Variants in NF2 observed in about 807,000 individuals in gnomAD.
The protein encoded by NF2 is NF2, moesin-ezrin-radixin like (MERLIN) tumor suppressor.
A neutral mutation model predicts 83.7 loss-of-function variants in NF2; 8 were observed. The observed-to-expected ratio is 0.10, with a 90% CI of 0.06 to 0.17. The LOEUF (loss-of-function observed/expected upper bound fraction) is 0.17. NF2 is among the 10% of genes least tolerant of loss of function. NF2 has a pLI of 1.00. For missense variants in NF2, 533 were observed against 744.4 expected (o/e 0.72, Z 3.31); for synonymous variants, 266 against 269.6 (o/e 0.99, Z 0.13).
intron 15 of NF2, among the ~76,000 whole-genome samples, chr22:29,685,401 C>A (rs761290049): frequency 3.9e-4 from 59 of 151,560 alleles, no homozygotes; most frequent in Non-Finnish European, 6.9e-4. Flanking sequence ...AGCCACTGTG[C>A]CTGGCCTGTT....
At chr22:29,665,248 GTTTTTTTTT>G (rs556026377) in intron 9 of NF2, among the ~76,000 whole-genome samples, 184 bp downstream of exon 9, 9 of 135,954 alleles carry the variant, frequency 6.6e-5, no homozygotes, top group African/African-American at 2.4e-4. Context: ...TTTTTTTTTT[GTTTTTTTTT>G]TGAGACAGAG....
intron 4 of NF2, among the ~76,000 whole-genome samples, chr22:29,650,788 A>G (rs1222415427): frequency 6.6e-6 from 1 of 152,174 alleles, no homozygotes; most frequent in Non-Finnish European, 1.5e-5. Flanking sequence ...TTTTTAGTAC[A>G]GATGAGGTTT....
intron 9 of NF2, 22 bp downstream of exon 9, chr22:29,665,086 C>T: frequency 1.9e-6 from 3 of 1,570,274 alleles, no homozygotes; most frequent in Non-Finnish European, 2.6e-6. Context: ...TCCTGGTTTT[C>T]ATTACTGATA....
At chr22:29,678,379 G>C in intron 14 of NF2, 56 bp downstream of exon 14, 1 of 1,606,758 alleles carries the variant, frequency 6.2e-7, no homozygotes, top group Non-Finnish European at 8.5e-7. Context: ...TGAGTGATTG[G>C]GGCCTTGGGA....
At chr22:29,675,176 T>C (rs1412432012) in intron 13 of NF2, among the ~76,000 whole-genome samples, 1 of 152,228 alleles carries the variant, frequency 6.6e-6, no homozygotes, top group African/African-American at 2.4e-5. Flanking sequence ...CAACAGGGCC[T>C]TTTCCAGCTC....
At position 29,619,204 on chromosome 22, in the gene NF2, C is replaced by T. The variant is rs190013494; in HGVS notation, c.114+15092C>T. 1.1e-4 allele frequency among the ~76,000 whole-genome samples: 17 copies of T among 152,136 alleles called. No homozygotes were observed. The East Asian group carries it at 2.7e-3, about 24-fold the overall frequency. On this transcript the variant is annotated intron_variant, in intron 1 of 15. Transcript: ENST00000338641. ...GGAATACAGGCATGTGCCAACACGC[C>T]CTGCTAATTTTTAGATTTTTAGTAA...
intron 1 of NF2, among the ~76,000 whole-genome samples, chr22:29,630,611 T>C (rs1487714607): frequency 2.6e-5 from 4 of 152,226 alleles, no homozygotes; most frequent in African/African-American, 4.8e-5. Flanking sequence ...TTCCAGGCAT[T>C]GGAGTCCACA....
In NF2 at chr22:29,603,906, TG is replaced by T; in HGVS notation, c.-91del. The T allele has an allele frequency of 2.0e-6, 2 of 979,478 alleles. No individual in the cohort carries two copies. Among genetic ancestry groups the T allele is most frequent in the Non-Finnish European group, 3.0e-6 (2 of 656,044 alleles). The allele number at this position is 979,478 out of a possible 1,614,324, so 60.7% of individuals were successfully genotyped here. ...CGGGCCGGGCAGCCGGCCACCATGG[TG>T]GCCCTGAGGCCTGTGCAGCAACTCC... On this transcript the variant is annotated 5_prime_UTR_variant, in exon 1 of 16. The change creates a premature stop within an existing upstream ORF in the 5' untranslated region. Transcript: ENST00000338641.
chr22:29,665,703 G>T (rs1478542180), intron 9 of NF2, among the ~76,000 whole-genome samples: 6 of 150,744 alleles, frequency 4.0e-5, no homozygotes, highest in Non-Finnish European at 8.8e-5. Flanking sequence ...GGTGGCTTAC[G>T]CCTGTAATCC....
chr22:29,668,986 CAT>C (rs1312906639), intron 10 of NF2, among the ~76,000 whole-genome samples: 1 of 152,244 alleles, frequency 6.6e-6, no homozygotes, highest in African/African-American at 2.4e-5. Context: ...GTTTTCTACT[CAT>C]AAACCTTCTC....
At chr22:29,690,914 G>C (rs2067387639) in intron 15 of NF2, among the ~76,000 whole-genome samples, 1 of 152,310 alleles carries the variant, frequency 6.6e-6, no homozygotes, top group East Asian at 1.9e-4. Context: ...TCCCATGGTT[G>C]GACCTTGTCT....
chr22:29,619,294 C>T (rs890773074), intron 1 of NF2, among the ~76,000 whole-genome samples: 1 of 152,232 alleles, frequency 6.6e-6, no homozygotes, highest in Non-Finnish European at 1.5e-5. Flanking sequence ...ATCCACCTGC[C>T]TTGGCCTCCC....
intron 10 of NF2, among the ~76,000 whole-genome samples, chr22:29,669,860 C>A (rs557076557): frequency 1.2e-4 from 19 of 152,186 alleles, no homozygotes; most frequent in Non-Finnish European, 2.4e-4. Context: ...TAATGATATA[C>A]CTTCTCCATC....
At chr22:29,630,742 A>C (rs528467325) in intron 1 of NF2, among the ~76,000 whole-genome samples, 1 of 152,338 alleles carries the variant, frequency 6.6e-6, no homozygotes, top group Non-Finnish European at 1.5e-5. Context: ...CACTAGGCTG[A>C]GATGAGGCAG....
intron 1 of NF2, among the ~76,000 whole-genome samples, chr22:29,629,997 G>T (rs1267093079): frequency 1.3e-5 from 2 of 152,114 alleles, no homozygotes; most frequent in Admixed American, 1.3e-4. Flanking sequence ...CCTGTCATGG[G>T]TCTGGTTTCT....
chr22:29,638,211 CTG>C (rs776337273), intron 2 of NF2, among the ~76,000 whole-genome samples: 33 of 152,252 alleles, frequency 2.2e-4, no homozygotes, highest in Non-Finnish European at 1.6e-4. Flanking sequence ...GGTTTACAGA[CTG>C]TGCTTCAAGT....
Position 29,636,847 on chromosome 22 carries a change from A to G in NF2, c.211A>G (p.Thr71Ala), listed in dbSNP as rs1214018840. 4 of 1,614,192 alleles carry G rather than the reference A, an allele frequency of 2.5e-6. No individual in the cohort carries two copies. Among genetic ancestry groups the G allele is most frequent in the Non-Finnish European group, 3.4e-6 (4 of 1,180,032 alleles). The change falls in exon 2 of 16, where the codon ACA becomes GCA. Residue 71 changes from threonine (T) to alanine (A), a missense_variant. By Grantham distance (58) the Thr-to-Ala change is moderately conservative. This residue lies in a region of NF2 where 326 missense variants were observed against 475.1 expected (regional missense o/e 0.69). Coordinates refer to ENST00000338641, the MANE Select transcript of NF2 (RefSeq NM_000268.4). The surrounding 1 kb of genome is among the most constrained non-coding windows in gnomAD (Gnocchi z 4.4). The stretch of plus-strand genomic sequence containing the variant: ...TGGACTGCAGTACACAATCAAGGAC[A>G]CAGTGGCCTGGCTCAAAATGGACAA... ...FFGLQYTIKD[T>A]VAWLKMDKKV...
intron 1 of NF2, among the ~76,000 whole-genome samples, chr22:29,615,302 G>C (rs1446006216): frequency 6.6e-6 from 1 of 152,248 alleles, no homozygotes; most frequent in Non-Finnish European, 1.5e-5. Context: ...GCCAGGCATG[G>C]TGGGTCATAC....
intron 1 of NF2, among the ~76,000 whole-genome samples, chr22:29,633,318 C>T (rs185754946): frequency 1.1e-4 from 17 of 152,288 alleles, no homozygotes; most frequent in Non-Finnish European, 1.3e-4. Flanking sequence ...GCTGCTTCTC[C>T]TTGATTCCAT....
Sources: allele counts gnomAD v4.1 joint callset (sites outside exome capture counted in the v4.1 genomes callset), GRCh38; gene constraint gnomAD v4.1.1; regional missense constraint gnomAD v4.1.1; non-coding constraint Gnocchi (gnomAD v3.1); transcripts MANE v1.5; gene names NCBI Gene and HGNC (gene_info 2026-07-23, HGNC 2026-07-21).